Variants in GRM8 observed in about 807,000 individuals in gnomAD.
GRM8 encodes metabotropic glutamate receptor 8.
GRM8 carries 47 observed loss-of-function variants against 87.2 expected under a neutral mutation model. The observed-to-expected ratio is 0.54, with a 90% CI of 0.43 to 0.69. The LOEUF (loss-of-function observed/expected upper bound fraction) is 0.69. Among genes scored for constraint, GRM8 ranks in the 30% least tolerant of loss-of-function variants. The probability of loss-of-function intolerance (pLI) is 0.00; values close to 1 mark genes in which losing one functional copy is unlikely to be tolerated. For synonymous variants in GRM8, 396 were observed against 404.5 expected (o/e 0.98, Z 0.25); for missense variants, 1,019 against 1,139.2 (o/e 0.89, Z 1.52).
At chr7:126,580,157 T>A (rs914011667) in intron 8 of GRM8, among the ~76,000 whole-genome samples, 1 of 152,176 alleles carries the variant, frequency 6.6e-6, no homozygotes, top group Non-Finnish European at 1.5e-5. Flanking sequence ...TTGATACAGT[T>A]AATCTTCCTA....
At chr7:126,512,646 T>C (rs1457038912) in intron 9 of GRM8, 1 of 152,126 alleles carries the variant, frequency 6.6e-6, no homozygotes, top group Non-Finnish European at 1.5e-5. Context: ...GCTTTGGACA[T>C]TTCCAGGCTG....
intron 7 of GRM8, among the ~76,000 whole-genome samples, chr7:126,678,888 T>G: frequency 6.6e-6 from 1 of 152,366 alleles, no homozygotes; most frequent in Non-Finnish European, 1.5e-5. Context: ...ACTGGTAATT[T>G]GGAAACTGTT....
chr7:126,526,210 T>C (rs1813803749), intron 9 of GRM8, among the ~76,000 whole-genome samples: 2 of 152,348 alleles, frequency 1.3e-5, no homozygotes, highest in South Asian at 4.1e-4. Flanking sequence ...CACTACATTC[T>C]GTATTATCAA....
At chr7:126,826,091 G>A (rs1586092321) in intron 6 of GRM8, among the ~76,000 whole-genome samples, 1 of 152,052 alleles carries the variant, frequency 6.6e-6, no homozygotes, top group Non-Finnish European at 1.5e-5. Flanking sequence ...TTGTGTATAT[G>A]TGCCACATTT....
intron 2 of GRM8, among the ~76,000 whole-genome samples, chr7:127,132,551 C>A (rs1175181489): frequency 6.6e-6 from 1 of 151,818 alleles, no homozygotes; most frequent in Non-Finnish European, 1.5e-5. Flanking sequence ...TTGACAGGAG[C>A]TAATGAAAGC....
chr7:127,046,215 CA>C, intron 3 of GRM8, among the ~76,000 whole-genome samples: 1 of 151,698 alleles, frequency 6.6e-6, no homozygotes, highest in African/African-American at 2.4e-5. Context: ...ACTAAAAATA[CA>C]AAAAAATTAG....
chr7:127,018,564 C>A (rs776208532), intron 3 of GRM8, among the ~76,000 whole-genome samples: 1 of 151,972 alleles, frequency 6.6e-6, no homozygotes, highest in African/African-American at 2.4e-5. Context: ...TACCTACTAA[C>A]AGAACCCCAC....
At chr7:126,721,428 C>T (rs1812385282) in intron 7 of GRM8, among the ~76,000 whole-genome samples, 1 of 152,108 alleles carries the variant, frequency 6.6e-6, no homozygotes, top group Non-Finnish European at 1.5e-5. Flanking sequence ...ATACATGCAT[C>T]TAAAGAAATG....
chr7:127,204,817 C>G (rs533096488), intron 2 of GRM8, among the ~76,000 whole-genome samples: 1 of 152,098 alleles, frequency 6.6e-6, no homozygotes, highest in Non-Finnish European at 1.5e-5. Flanking sequence ...TCAATGCAAC[C>G]CAGACAAGAA....
Position 126,931,663 on chromosome 7 carries a change from T to A in GRM8, c.728-26980A>T, listed in dbSNP as rs139143948. Among the ~76,000 whole-genome samples, 552 of 152,314 alleles carry A rather than the reference T, an allele frequency of 3.6e-3. 4 individuals are homozygous for A. The highest frequency in any genetic ancestry group is 0.013 in the African/African-American group (522 of 41,566). On this transcript the variant is annotated intron_variant, in intron 3 of 10. Coordinates refer to ENST00000339582, the MANE Select transcript of GRM8 (RefSeq NM_000845.3). ...GAACAATGTAAATATGTCTTTATAA[T>A]TCTTCATTTTCTAGTTTGAAGTTGT...
intron 2 of GRM8, among the ~76,000 whole-genome samples, chr7:127,210,742 G>A (rs1290706789): frequency 2.0e-5 from 3 of 152,050 alleles, no homozygotes; most frequent in Non-Finnish European, 2.9e-5. Context: ...AGACACCAGG[G>A]GAACACTGGC....
chr7:126,892,840 G>A (rs1465139093), intron 6 of GRM8, among the ~76,000 whole-genome samples: 1 of 152,104 alleles, frequency 6.6e-6, no homozygotes, highest in Non-Finnish European at 1.5e-5. Context: ...TAACTGGTGT[G>A]AGATGTTATC....
intron 6 of GRM8, among the ~76,000 whole-genome samples, chr7:126,776,354 G>A (rs562851100): frequency 6.6e-6 from 1 of 152,152 alleles, no homozygotes; most frequent in African/African-American, 2.4e-5. Context: ...ATGTCAGGAG[G>A]CAATGAACAA....
At chr7:127,035,978 C>T (rs1266401766) in intron 3 of GRM8, among the ~76,000 whole-genome samples, 2 of 152,166 alleles carry the variant, frequency 1.3e-5, no homozygotes, top group African/African-American at 4.8e-5. Context: ...AACATTTGGG[C>T]TTTTAATTAC....
chr7:126,963,834 C>A (rs1189698334), intron 3 of GRM8, among the ~76,000 whole-genome samples: 1 of 152,050 alleles, frequency 6.6e-6, no homozygotes, highest in African/African-American at 2.4e-5. Context: ...TCATATGGAA[C>A]CAAAAAAGAG....
intron 7 of GRM8, among the ~76,000 whole-genome samples, chr7:126,764,161 C>T (rs1399807552): frequency 6.6e-6 from 1 of 151,716 alleles, no homozygotes; most frequent in Non-Finnish European, 1.5e-5. Context: ...TAGTAATAAT[C>T]TTTGTCATTT....
chr7:126,494,999 T>A (rs1352968610), intron 9 of GRM8, among the ~76,000 whole-genome samples: 1 of 152,006 alleles, frequency 6.6e-6, no homozygotes, highest in African/African-American at 2.4e-5. Context: ...CCAAAAACAT[T>A]AAATTAAAAA....
chr7:127,207,989 G>A (rs1334267132), intron 2 of GRM8, among the ~76,000 whole-genome samples: 1 of 152,038 alleles, frequency 6.6e-6, no homozygotes, highest in Non-Finnish European at 1.5e-5. Flanking sequence ...TGAAACAACT[G>A]CAGCACTCTC....
At chr7:126,689,292 T>C (rs551626122) in intron 7 of GRM8, among the ~76,000 whole-genome samples, 9 of 152,324 alleles carry the variant, frequency 5.9e-5, no homozygotes, top group African/African-American at 2.2e-4. Context: ...TCTTGAGCCC[T>C]GTGCACAATG....
Sources: allele counts gnomAD v4.1 joint callset (sites outside exome capture counted in the v4.1 genomes callset), GRCh38; gene constraint gnomAD v4.1.1; transcripts MANE v1.5; gene names NCBI Gene and HGNC (gene_info 2026-07-23, HGNC 2026-07-21).